Variants in HEATR5B observed in about 807,000 individuals in gnomAD.
The protein encoded by HEATR5B is HEAT repeat-containing protein 5B.
Under a neutral mutation model 224.1 loss-of-function variants are expected in HEATR5B, and 156 were observed. That is an observed-to-expected ratio of 0.70 (90% CI 0.61 to 0.80). The LOEUF is 0.80. HEATR5B is among the 30% of genes least tolerant of loss of function. HEATR5B has a pLI of 0.00. For synonymous variants in HEATR5B, 1,027 were observed against 893.0 expected, an observed-to-expected ratio of 1.15 and a Z score of -2.68; for missense variants, 2,323 against 2,535.5, an observed-to-expected ratio of 0.92 and a Z score of 1.80.
intron 16 of HEATR5B, chr2:37,055,117 G>C (rs1313374508): frequency 5.0e-6 from 2 of 402,394 alleles, no homozygotes. Context: ...AATATATTAA[G>C]CCGCACAGCC....
chr2:37,019,132 C>A (rs1386122275), intron 26 of HEATR5B, among the ~76,000 whole-genome samples: 5 of 151,850 alleles, frequency 3.3e-5, no homozygotes, highest in African/African-American at 9.7e-5. Flanking sequence ...TGTGCTCCAG[C>A]CTGGGTGACA....
chr2:37,074,910 A>G (rs977163233), intron 5 of HEATR5B, among the ~76,000 whole-genome samples: 3 of 152,254 alleles, frequency 2.0e-5, no homozygotes, highest in Non-Finnish European at 4.4e-5. Context: ...AAAGACTGTC[A>G]GTAACAAACA....
intron 33 of HEATR5B, among the ~76,000 whole-genome samples, chr2:36,998,543 A>C (rs1666877624): frequency 6.6e-6 from 1 of 152,316 alleles, no homozygotes; most frequent in East Asian, 1.9e-4. Flanking sequence ...TGTACATCCT[A>C]GAAAATCTCT....
chr2:37,028,390 A>C (rs2148461394), intron 23 of HEATR5B, among the ~76,000 whole-genome samples: 1 of 152,302 alleles, frequency 6.6e-6, no homozygotes, highest in East Asian at 1.9e-4. Context: ...ATATTTCAAT[A>C]GTTTTACATA....
intron 1 of HEATR5B, 60 bp from the exon 2 acceptor site, chr2:37,083,496 T>G: frequency 8.1e-7 from 1 of 1,236,918 alleles, no homozygotes; most frequent in Non-Finnish European, 1.1e-6. Flanking sequence ...AAGTCAAGCT[T>G]AATGGAATAT....
chr2:36,989,899 C>CTTTTTTTTTTTTTTTTTTTTTTTT (rs766148486), intron 34 of HEATR5B, among the ~76,000 whole-genome samples: 1 of 88,904 alleles, frequency 1.1e-5, no homozygotes, highest in Non-Finnish European at 2.0e-5. Context: ...AGAATGTTTC[C>CTTTTTTTTTTTTTTTTTTTTTTTT]TTTTTTTTTT....
At chr2:36,985,655 C>T (rs1318054327) in intron 35 of HEATR5B, among the ~76,000 whole-genome samples, 95 of 119,862 alleles carry the variant, frequency 7.9e-4, no homozygotes, top group African/African-American at 3.1e-3. Flanking sequence ...TCAGTAGAGA[C>T]GGGGTTTCAC....
chr2:37,051,354 CAAAAAAAA>C (rs11313174), intron 17 of HEATR5B, among the ~76,000 whole-genome samples: 3 of 66,068 alleles, frequency 4.5e-5, no homozygotes, highest in African/African-American at 1.7e-4. Flanking sequence ...AACTCCATCT[CAAAAAAAA>C]AAAAAAAAAA....
intron 33 of HEATR5B, among the ~76,000 whole-genome samples, chr2:36,997,785 G>A (rs948959662): frequency 2.0e-5 from 3 of 151,640 alleles, no homozygotes; most frequent in Admixed American, 2.0e-4. Flanking sequence ...CTAGGATGGT[G>A]TCGATCTCCT....
chr2:37,031,847 A>T (rs1572848705), intron 22 of HEATR5B, among the ~76,000 whole-genome samples: 2 of 152,146 alleles, frequency 1.3e-5, no homozygotes, highest in East Asian at 3.9e-4. Context: ...TTAAACTCTT[A>T]AAAAGTTTCC....
intron 18 of HEATR5B, among the ~76,000 whole-genome samples, chr2:37,047,002 A>G (rs1186432843): frequency 1.5e-5 from 2 of 133,278 alleles, no homozygotes; most frequent in South Asian, 5.1e-4. Context: ...GTGAGCCAAG[A>G]TTGCACATCT....
intron 33 of HEATR5B, among the ~76,000 whole-genome samples, chr2:36,997,567 CTTT>C (rs10699174): frequency 7.7e-6 from 1 of 129,580 alleles, no homozygotes; most frequent in Non-Finnish European, 1.6e-5. Context: ...CTCTGCCATT[CTTT>C]TTTTTTTTTT....
intron 19 of HEATR5B, 92 bp downstream of exon 19, chr2:37,041,041 C>T (rs1454893202): frequency 4.9e-6 from 5 of 1,026,902 alleles, no homozygotes; most frequent in Non-Finnish European, 7.2e-6. Flanking sequence ...TTTGTCCTAA[C>T]AACTTACCAC....
intron 22 of HEATR5B, among the ~76,000 whole-genome samples, chr2:37,030,094 C>G (rs1420435316): frequency 6.6e-6 from 1 of 152,090 alleles, no homozygotes; most frequent in African/African-American, 2.4e-5. Flanking sequence ...CGGTATATAA[C>G]TGGTGGCTTT....
At chr2:37,023,892 T>C (rs956756829) in intron 24 of HEATR5B, among the ~76,000 whole-genome samples, 2 of 152,200 alleles carry the variant, frequency 1.3e-5, no homozygotes, top group East Asian at 3.9e-4. Context: ...TCCTCACCTA[T>C]AGGAAGCAAA....
intron 30 of HEATR5B, among the ~76,000 whole-genome samples, chr2:37,004,618 AC>A (rs1284237754): frequency 2.0e-5 from 3 of 151,850 alleles, no homozygotes; most frequent in Admixed American, 2.0e-4. Context: ...GCGGGAGGTC[AC>A]CAATAGCCTC....
chr2:37,055,167 T>C (rs576710946), intron 16 of HEATR5B: 15 of 337,666 alleles, frequency 4.4e-5, no homozygotes, highest in South Asian at 3.5e-4. Context: ...TCTTGCTTTT[T>C]ACCTTTTTAA....
intron 22 of HEATR5B, among the ~76,000 whole-genome samples, chr2:37,030,154 G>T (rs1218357290): frequency 6.6e-6 from 1 of 152,076 alleles, no homozygotes; most frequent in Non-Finnish European, 1.5e-5. Flanking sequence ...ACTGAACCCT[G>T]AAGGGAGTAA....
chr2:37,030,764 T>G (rs192143392), intron 22 of HEATR5B, among the ~76,000 whole-genome samples: 1 of 152,360 alleles, frequency 6.6e-6, no homozygotes, highest in Admixed American at 6.5e-5. Context: ...ATATTTGTTA[T>G]TTCTTCTTTA....
Sources: allele counts gnomAD v4.1 joint callset (sites outside exome capture counted in the v4.1 genomes callset), GRCh38; gene constraint gnomAD v4.1.1; transcripts MANE v1.5; gene names NCBI Gene and HGNC (gene_info 2026-07-23, HGNC 2026-07-21).